The following ZNF385D variants were observed in gnomAD, a reference collection of about 807,000 sequenced individuals.
The protein encoded by ZNF385D is zinc finger protein 385D, also known as zinc finger protein 659.
In ZNF385D, 15 loss-of-function variants were observed where a neutral mutation model predicts 35.8. The ratio of observed to expected loss-of-function variants is 0.42; its 90% CI spans 0.28 to 0.64. ZNF385D has a LOEUF of 0.64. ZNF385D is among the 30% of genes least tolerant of loss of function. The probability of loss-of-function intolerance (pLI) is 0.23; values close to 1 mark genes in which losing one functional copy is unlikely to be tolerated. For synonymous variants in ZNF385D, 212 were observed against 186.8 expected (o/e 1.13, Z -1.10); for missense variants, 474 against 494.6 (o/e 0.96, Z 0.39).
intron 3 of ZNF385D, among the ~76,000 whole-genome samples, chr3:21,964,433 GAA>G (rs10558356): frequency 0.091 from 8,595 of 94,544 alleles, 1,232 homozygotes; most frequent in African/African-American, 0.3. Context: ...AAAAAAAAAA[GAA>G]AAAAAAAAAA....
At chr3:22,067,271 C>A (rs1190586910) in intron 3 of ZNF385D, among the ~76,000 whole-genome samples, 1 of 152,200 alleles carries the variant, frequency 6.6e-6, no homozygotes, top group Non-Finnish European at 1.5e-5. Context: ...CCTGTCATCT[C>A]TGTAAAATAA....
intron 3 of ZNF385D, among the ~76,000 whole-genome samples, chr3:21,976,907 G>C (rs1703662329): frequency 6.6e-6 from 1 of 152,186 alleles, no homozygotes; most frequent in Non-Finnish European, 1.5e-5. Flanking sequence ...AGAATTGTTT[G>C]AACCTGGGAG....
At chr3:22,263,536 A>T (rs1700742052) in intron 2 of ZNF385D, among the ~76,000 whole-genome samples, 2 of 151,948 alleles carry the variant, frequency 1.3e-5, no homozygotes, top group South Asian at 4.1e-4. Context: ...TACATTTTTA[A>T]ATTTATTATA....
chr3:22,299,895 A>G (rs1033552994), intron 2 of ZNF385D, among the ~76,000 whole-genome samples: 3 of 151,984 alleles, frequency 2.0e-5, no homozygotes, highest in Admixed American at 6.6e-5. Flanking sequence ...TACCCAAAGC[A>G]ATCTACAAAT....
At chr3:22,126,506 T>C (rs568608593) in intron 3 of ZNF385D, among the ~76,000 whole-genome samples, 1 of 152,184 alleles carries the variant, frequency 6.6e-6, no homozygotes, top group South Asian at 2.1e-4. Flanking sequence ...TTCCTCTTGT[T>C]ATTGGTTTCT....
chr3:22,057,513 ATTT>A (rs35980797), intron 3 of ZNF385D, among the ~76,000 whole-genome samples: 1 of 144,848 alleles, frequency 6.9e-6, no homozygotes. Context: ...CTTTTAAAGT[ATTT>A]TTTTTTTTTT....
intron 2 of ZNF385D, among the ~76,000 whole-genome samples, chr3:21,606,208 A>C (rs1279547156): frequency 1.3e-5 from 2 of 152,066 alleles, no homozygotes; most frequent in East Asian, 3.9e-4. Flanking sequence ...CCTGTCCCAC[A>C]CAGCCCTTGC....
At position 22,224,301 on chromosome 3, in the gene ZNF385D, A is replaced by G. The variant is rs528600263; in HGVS notation, c.107-55266T>C. ...TATTTTTAATCTTCTTTGGAGTAGT[A>G]GTGTAATCAACATGCTACTTACCAG... On this transcript the variant is annotated intron_variant, in intron 2 of 5. Transcript: ENST00000494108. Among the ~76,000 whole-genome samples the G allele has an allele frequency of 3.9e-5, 6 of 152,338 alleles. No homozygotes were observed. The South Asian group carries it at 1.2e-3, about 32-fold the overall frequency.
At chr3:22,008,894 A>G (rs1426244960) in intron 3 of ZNF385D, among the ~76,000 whole-genome samples, 2 of 152,254 alleles carry the variant, frequency 1.3e-5, no homozygotes, top group African/African-American at 4.8e-5. Context: ...AGAATATCTG[A>G]AAATTAATGA....
intron 3 of ZNF385D, among the ~76,000 whole-genome samples, chr3:21,969,845 A>G (rs1208743148): frequency 6.6e-6 from 1 of 152,126 alleles, no homozygotes; most frequent in Non-Finnish European, 1.5e-5. Context: ...TCAGCTCCAG[A>G]CAGCTCAGAA....
At chr3:22,185,108 C>G (rs1695541838) in intron 2 of ZNF385D, among the ~76,000 whole-genome samples, 1 of 152,010 alleles carries the variant, frequency 6.6e-6, no homozygotes, top group Non-Finnish European at 1.5e-5. Flanking sequence ...TATAATCTAC[C>G]AATGAGAGAG....
intron 3 of ZNF385D, among the ~76,000 whole-genome samples, chr3:22,112,808 T>TA (rs1384283874): frequency 2.6e-5 from 4 of 151,972 alleles, no homozygotes; most frequent in African/African-American, 4.8e-5. Flanking sequence ...AAGCCTGTTT[T>TA]ACTCAGGGAA....
At chr3:21,500,094 G>A (rs1706248850) in intron 4 of ZNF385D, among the ~76,000 whole-genome samples, 1 of 152,156 alleles carries the variant, frequency 6.6e-6, no homozygotes, top group South Asian at 2.1e-4. Flanking sequence ...ATTTTATGCT[G>A]TCTCTGGGAA....
At chr3:21,967,155 A>T (rs1702960181) in intron 3 of ZNF385D, among the ~76,000 whole-genome samples, 2 of 152,218 alleles carry the variant, frequency 1.3e-5, no homozygotes, top group South Asian at 4.1e-4. Flanking sequence ...TCTAGATGTG[A>T]TGTAATGGTC....
chr3:22,176,958 A>G (rs1417316384), intron 2 of ZNF385D, among the ~76,000 whole-genome samples: 1 of 152,216 alleles, frequency 6.6e-6, no homozygotes, highest in African/African-American at 2.4e-5. Context: ...CAAAGTTTCA[A>G]AGACCAATGA....
At chr3:21,747,614 A>T (rs2069840839) in intron 1 of ZNF385D, among the ~76,000 whole-genome samples, 2 of 152,232 alleles carry the variant, frequency 1.3e-5, no homozygotes, top group Non-Finnish European at 2.9e-5. Context: ...ATGGGGAGAC[A>T]ATTCAAACAT....
chr3:21,940,245 T>A (rs1029100992), intron 3 of ZNF385D, among the ~76,000 whole-genome samples: 2 of 152,082 alleles, frequency 1.3e-5, no homozygotes, highest in African/African-American at 4.8e-5. Flanking sequence ...TCAGGTAATG[T>A]GATGTAGCAA....
intron 3 of ZNF385D, among the ~76,000 whole-genome samples, chr3:21,865,010 C>CTTTT (rs1559703270): frequency 2.0e-5 from 1 of 50,500 alleles, no homozygotes; most frequent in Non-Finnish European, 4.0e-5. Context: ...TTTTCTTCCA[C>CTTTT]TTTGCAGCAA....
intron 3 of ZNF385D, among the ~76,000 whole-genome samples, chr3:21,877,653 A>C (rs545298701): frequency 8.3e-4 from 126 of 152,168 alleles, no homozygotes; most frequent in African/African-American, 2.7e-3. Context: ...TACTTAGTTA[A>C]TAAAGCTAAT....
Sources: gnomAD v4.1 joint callset for allele counts (sites outside exome capture counted in the v4.1 genomes callset) on GRCh38, gnomAD v4.1.1 for gene constraint, MANE v1.5 for transcripts, NCBI Gene and HGNC (gene_info 2026-07-23, HGNC 2026-07-21) for gene names.